CCDC7: variants seen among roughly 807,000 people sequenced by gnomAD.
CCDC7 encodes coiled-coil domain-containing protein 7.
CCDC7 carries 183 observed loss-of-function variants against 196.9 expected under a neutral mutation model. The observed-to-expected ratio is 0.93, with a 90% CI of 0.82 to 1.05. CCDC7 has a LOEUF of 1.05. Among genes scored for constraint, CCDC7 ranks in the 50% least tolerant of loss-of-function variants. The probability of loss-of-function intolerance (pLI) is 0.00; values close to 1 mark genes in which losing one functional copy is unlikely to be tolerated. For synonymous variants in CCDC7, 525 were observed against 484.6 expected (o/e 1.08, Z -1.10); for missense variants, 1,540 against 1,482.2 (o/e 1.04, Z -0.64).
intron 8 of CCDC7, among the ~76,000 whole-genome samples, chr10:32,487,264 C>T (rs185361710): frequency 2.0e-5 from 3 of 152,290 alleles, no homozygotes; most frequent in East Asian, 1.9e-4. Context: ...ACCCTTTCTT[C>T]CAGTTGATCG....
chr10:32,461,719 ATATATATATATG>A (rs1239252732), intron 3 of CCDC7, among the ~76,000 whole-genome samples: 12 of 23,922 alleles, frequency 5.0e-4, no homozygotes, highest in African/African-American at 1.4e-3. Context: ...GTATATATAT[ATATATATATATG>A]TATATATATA....
intron 18 of CCDC7, among the ~76,000 whole-genome samples, chr10:32,608,171 T>C (rs1488599486): frequency 6.6e-6 from 1 of 152,170 alleles, no homozygotes; most frequent in Non-Finnish European, 1.5e-5. Context: ...TTTTCATTTC[T>C]GATTTCATTT....
chr10:32,543,122 A>C (rs2051788116), intron 11 of CCDC7, among the ~76,000 whole-genome samples, 178 bp from the exon 13 acceptor site: 1 of 152,206 alleles, frequency 6.6e-6, no homozygotes. Flanking sequence ...CACGTAAAGC[A>C]CTATTACAAA....
At chr10:32,657,237 C>T (rs1010749878) in intron 20 of CCDC7, among the ~76,000 whole-genome samples, 2 of 152,220 alleles carry the variant, frequency 1.3e-5, no homozygotes, top group Non-Finnish European at 2.9e-5. Flanking sequence ...CAGTGGCCCT[C>T]TTCTCACAGC....
At chr10:32,818,244 C>T (rs1311696519) in intron 31 of CCDC7, among the ~76,000 whole-genome samples, 20 of 152,096 alleles carry the variant, frequency 1.3e-4, no homozygotes, top group Non-Finnish European at 4.4e-5. Flanking sequence ...ATAAAGAAGG[C>T]CATTACATAA....
intron 8 of CCDC7, among the ~76,000 whole-genome samples, chr10:32,489,959 T>G (rs899270636): frequency 6.6e-6 from 1 of 151,982 alleles, no homozygotes; most frequent in African/African-American, 2.4e-5. Context: ...GGAGCAACAT[T>G]TCTCTTATCT....
intron 28 of CCDC7, 68 bp downstream of exon 29, chr10:32,729,525 A>T (rs550072402): frequency 1.3e-6 from 1 of 747,596 alleles, no homozygotes; most frequent in African/African-American, 1.8e-5. Context: ...TTTTTGGTTT[A>T]TAAATATGCC....
chr10:32,584,242 C>G lies in CCDC7; in HGVS notation c.1739C>G (p.Ser580Ter). 1 of 1,584,098 alleles carries G rather than the reference C, an allele frequency of 6.3e-7. No individual in the cohort carries two copies. The highest frequency in any genetic ancestry group is 8.6e-7 in the Non-Finnish European group (1 of 1,163,334). ...ACTTTTGTTATTAAGGCTGATGTTTCAGAAGAACAATTACAAAAGATGACT... is the reference window on the plus strand; with the variant it reads ...ACTTTTGTTATTAAGGCTGATGTTTGAGAAGAACAATTACAAAAGATGACT... The change falls in exon 18 of 42, where the codon TCA becomes TGA. Residue 580 changes from serine to a stop codon, truncating the protein, a stop_gained. Coordinates refer to ENST00000639629, the Ensembl canonical transcript of CCDC7. LOFTEE classifies it high-confidence loss of function.
intron 23 of CCDC7, among the ~76,000 whole-genome samples, chr10:32,689,420 CCTTTCAGCCAACT>C (rs1200321146): frequency 6.6e-6 from 1 of 152,096 alleles, no homozygotes; most frequent in Non-Finnish European, 1.5e-5. Context: ...AAGTAGTGTG[CCTTTCAGCCAACT>C]GAAAGTAATT....
chr10:32,820,802 T>C (rs887629282), intron 31 of CCDC7, among the ~76,000 whole-genome samples: 2 of 152,174 alleles, frequency 1.3e-5, no homozygotes, highest in African/African-American at 4.8e-5. Flanking sequence ...TTACACCTTA[T>C]ACAAAAATTA....
intron 18 of CCDC7, among the ~76,000 whole-genome samples, chr10:32,620,814 C>T (rs1237981697): frequency 6.6e-6 from 1 of 152,118 alleles, no homozygotes; most frequent in Admixed American, 6.6e-5. Context: ...GAGAGGTCTA[C>T]AGTCATTGTT....
chr10:32,583,367 A>C, intron 17 of CCDC7, 60 bp downstream of exon 18: 1 of 1,089,060 alleles, frequency 9.2e-7, no homozygotes, highest in Non-Finnish European at 1.2e-6. Flanking sequence ...CAATAAATAA[A>C]TGCTAACCCA....
chr10:32,485,572 T>G (rs958010597), intron 8 of CCDC7, among the ~76,000 whole-genome samples: 26 of 152,226 alleles, frequency 1.7e-4, no homozygotes, highest in Admixed American at 5.9e-4. Context: ...CTCTAGTTCT[T>G]TTAATTGTGA....
intron 24 of CCDC7, 75 bp downstream of exon 25, chr10:32,695,067 C>G (rs1270536792): frequency 4.3e-6 from 3 of 702,898 alleles, no homozygotes; most frequent in South Asian, 6.1e-5. Flanking sequence ...TGGTTCATGA[C>G]TATGTAGTTG....
At chr10:32,731,341 C>T (rs2083933647) in intron 28 of CCDC7, among the ~76,000 whole-genome samples, 6 of 152,002 alleles carry the variant, frequency 3.9e-5, no homozygotes, top group Admixed American at 3.9e-4. Flanking sequence ...TTCAATGTGT[C>T]TGTCTTTGTC....
chr10:32,850,626 T>G (rs905797452), intron 39 of CCDC7, among the ~76,000 whole-genome samples: 2 of 152,294 alleles, frequency 1.3e-5, no homozygotes, highest in Non-Finnish European at 2.9e-5. Context: ...GAATCAGCTC[T>G]TCCCAGGACC....
At chr10:32,652,730 C>T (rs2068998606) in intron 20 of CCDC7, among the ~76,000 whole-genome samples, 1 of 152,046 alleles carries the variant, frequency 6.6e-6, no homozygotes, top group Admixed American at 6.5e-5. Context: ...TTTTAGATAT[C>T]TCAATTTCTA....
At chr10:32,875,080 T>C (rs1279207139) in intron 41 of CCDC7, among the ~76,000 whole-genome samples, 2 of 152,002 alleles carry the variant, frequency 1.3e-5, no homozygotes, top group African/African-American at 4.8e-5. Context: ...TTTTGTATGT[T>C]TCATCAAAGA....
chr10:32,586,724 A>T (rs182618077), intron 18 of CCDC7, among the ~76,000 whole-genome samples: 1 of 152,150 alleles, frequency 6.6e-6, no homozygotes, highest in Admixed American at 6.5e-5. Context: ...GTTCTGTTCC[A>T]TTGGTCTATG....
Sources: allele counts gnomAD v4.1 joint callset (sites outside exome capture counted in the v4.1 genomes callset), GRCh38; gene constraint gnomAD v4.1.1; transcripts MANE v1.5; gene names NCBI Gene and HGNC (gene_info 2026-07-23, HGNC 2026-07-21).